The following EPB41L2 variants were observed in gnomAD, a reference collection of about 807,000 sequenced individuals.
EPB41L2 encodes the protein erythrocyte membrane protein band 4.1 like 2, also known as band 4.1-like protein 2.
In EPB41L2, 43 loss-of-function variants were observed where a neutral mutation model predicts 113.0. The observed-to-expected ratio is 0.38, with a 90% CI of 0.30 to 0.49. The LOEUF is 0.49. Among genes scored for constraint, EPB41L2 ranks in the 20% least tolerant of loss-of-function variants. EPB41L2 has a pLI of 0.95. For synonymous variants in EPB41L2, 442 were observed against 436.7 expected, an observed-to-expected ratio of 1.01 and a Z score of -0.15; for missense variants, 1,147 against 1,223.4, an observed-to-expected ratio of 0.94 and a Z score of 0.93.
intron 1 of EPB41L2, among the ~76,000 whole-genome samples, chr6:130,978,155 T>C (rs1161731857): frequency 6.6e-6 from 1 of 152,224 alleles, no homozygotes. Flanking sequence ...GCTAGAACCA[T>C]ATAAACATCA....
chr6:131,020,982 G>C (rs1389559412), intron 1 of EPB41L2, among the ~76,000 whole-genome samples: 1 of 151,684 alleles, frequency 6.6e-6, no homozygotes, highest in Non-Finnish European at 1.5e-5. Context: ...TTTTTTTGTA[G>C]AGACAGGGTC....
chr6:131,007,330 G>A (rs982679434), intron 1 of EPB41L2, among the ~76,000 whole-genome samples: 11 of 152,142 alleles, frequency 7.2e-5, no homozygotes, highest in East Asian at 1.9e-4. Context: ...GTCTTCCACC[G>A]TAACTTTGTT....
chr6:130,961,102 A>G (rs1773388590), intron 1 of EPB41L2, among the ~76,000 whole-genome samples: 5 of 152,250 alleles, frequency 3.3e-5, no homozygotes, highest in African/African-American at 1.2e-4. Flanking sequence ...AACTGGAACT[A>G]AGGTTTCCCA....
intron 1 of EPB41L2, among the ~76,000 whole-genome samples, chr6:130,960,355 T>A (rs540063733): frequency 2.4e-4 from 36 of 152,334 alleles, no homozygotes; most frequent in African/African-American, 8.4e-4. Context: ...AATTTATAGA[T>A]GAATTTAAAT....
rs527384336 is a variant in EPB41L2, at chr6:130,873,527, G to A, written c.2044-3401C>T. Reference sequence around the variant, plus strand: ...CACTCAGGCTGGAGTGCAGTGTGCCGCGATCTCGGCTCACTGCAACCTCTA... The same window carrying A: ...CACTCAGGCTGGAGTGCAGTGTGCCACGATCTCGGCTCACTGCAACCTCTA... On this transcript the variant is annotated intron_variant, in intron 14 of 19. Transcript: ENST00000337057. 2.0e-3 allele frequency among the ~76,000 whole-genome samples: 303 copies of A among 148,268 alleles called. 1 individual carries two copies. Among genetic ancestry groups the A allele is most frequent in the African/African-American group, 7.2e-3 (287 of 40,100 alleles).
At chr6:131,029,932 C>A (rs919942366) in intron 1 of EPB41L2, among the ~76,000 whole-genome samples, 7 of 151,188 alleles carry the variant, frequency 4.6e-5, no homozygotes, top group African/African-American at 1.7e-4. Flanking sequence ...AGCACCCCAG[C>A]CTGCACAATT....
rs1794679273 is a variant in EPB41L2, at chr6:131,042,664, GA to G, written c.-15+20490del. On this transcript the variant is annotated intron_variant, in intron 1 of 19. Transcript: ENST00000337057. ...TCTACTTCTAACTGTCAAGGAAGAA[GA>G]GGGGGAAAAAAAGAGTCACTAAGGA... Among the ~76,000 whole-genome samples the G allele has an allele frequency of 6.6e-5, 9 of 137,034 alleles. No homozygotes were observed. In the South Asian group the frequency reaches 1.6e-3, roughly 25 times the overall value. The allele number at this position is 137,034 out of a possible 152,430, so 89.9% of individuals were successfully genotyped here. A position where few individuals can be genotyped will look rare whatever the true frequency, so the allele number is the denominator to read the frequency against.
intron 18 of EPB41L2, among the ~76,000 whole-genome samples, chr6:130,861,822 A>G (rs1782163883): frequency 6.7e-6 from 1 of 149,536 alleles, no homozygotes; most frequent in Admixed American, 6.8e-5. Flanking sequence ...CAGTGAGTCC[A>G]GATCGTGCCA....
At chr6:131,039,155 A>G (rs1444935065) in intron 1 of EPB41L2, among the ~76,000 whole-genome samples, 1 of 152,240 alleles carries the variant, frequency 6.6e-6, no homozygotes, top group African/African-American at 2.4e-5. Flanking sequence ...GAAACAAGAC[A>G]GCAGCTTATT....
At position 130,880,672 on chromosome 6, in the gene EPB41L2, C is replaced by T. The variant is rs962214781; in HGVS notation, c.1834-466G>A. ...GTCTTTCTTCACCTACAGTGTTGTA[C>T]GAATGATGGAAATGATCCTTTGCAA... is the stretch of plus-strand genomic sequence containing the variant. On this transcript the variant is annotated intron_variant, in intron 12 of 19. Coordinates refer to ENST00000337057, the MANE Select transcript of EPB41L2 (RefSeq NM_001431.4). 8.4e-5 allele frequency: 35 copies of T among 416,854 alleles called. No homozygotes were observed. In the Middle Eastern group the frequency reaches 9.4e-4, roughly 11 times the overall value. The allele number at this position is 416,854 out of a possible 1,614,324, so 25.8% of individuals were successfully genotyped here. A position where few individuals can be genotyped will look rare whatever the true frequency, so the allele number is the denominator to read the frequency against.
chr6:130,947,634 G>A (rs952714536), intron 3 of EPB41L2, among the ~76,000 whole-genome samples: 1 of 152,066 alleles, frequency 6.6e-6, no homozygotes, highest in African/African-American at 2.4e-5. Flanking sequence ...CAGAACCACC[G>A]ATAAGCAGCA....
intron 1 of EPB41L2, among the ~76,000 whole-genome samples, chr6:130,959,824 G>A (rs1818727395): frequency 6.6e-6 from 1 of 152,052 alleles, no homozygotes; most frequent in Admixed American, 6.6e-5. Context: ...AAACCAAAAT[G>A]CCCCATACTT....
At chr6:130,856,268 T>C (rs534249080) in intron 19 of EPB41L2, among the ~76,000 whole-genome samples, 2 of 152,318 alleles carry the variant, frequency 1.3e-5, no homozygotes, top group South Asian at 4.1e-4. Context: ...ATTCAACTAT[T>C]TTAATAATGA....
At chr6:130,919,226 T>G (rs1306219619) in intron 4 of EPB41L2, among the ~76,000 whole-genome samples, 1 of 152,204 alleles carries the variant, frequency 6.6e-6, no homozygotes, top group African/African-American at 2.4e-5. Context: ...TTACCTTTCA[T>G]AAGAGAAACT....
At chr6:130,853,405 C>T (rs1019283525) in intron 19 of EPB41L2, among the ~76,000 whole-genome samples, 3 of 152,170 alleles carry the variant, frequency 2.0e-5, no homozygotes, top group Admixed American at 1.3e-4. Flanking sequence ...TGATCGGGAC[C>T]GTTTGGGAAT....
At chr6:130,972,261 T>G (rs936869418) in intron 1 of EPB41L2, among the ~76,000 whole-genome samples, 20 of 140,976 alleles carry the variant, frequency 1.4e-4, no homozygotes, top group African/African-American at 4.0e-4. Flanking sequence ...GAGGTGGAGG[T>G]TGCAGTAAGC....
At chr6:130,932,650 CA>C (rs1807304093) in intron 3 of EPB41L2, among the ~76,000 whole-genome samples, 1 of 64,742 alleles carries the variant, frequency 1.5e-5, no homozygotes, top group African/African-American at 6.0e-5. Context: ...CATTCTCCTT[CA>C]AGAGCATTAT....
At chr6:131,044,591 G>A (rs975717082) in intron 1 of EPB41L2, among the ~76,000 whole-genome samples, 2 of 152,020 alleles carry the variant, frequency 1.3e-5, no homozygotes, top group South Asian at 2.1e-4. Context: ...AAGATACCCC[G>A]GTGGTCACAA....
At chr6:130,926,418 A>G (rs1053104418) in intron 4 of EPB41L2, among the ~76,000 whole-genome samples, 187 bp downstream of exon 4, 6 of 152,240 alleles carry the variant, frequency 3.9e-5, no homozygotes, top group African/African-American at 1.4e-4. Flanking sequence ...ACAAATACAC[A>G]TACACCAAAA....
Sources: gnomAD v4.1 joint callset for allele counts (sites outside exome capture counted in the v4.1 genomes callset) on GRCh38, gnomAD v4.1.1 for gene constraint, MANE v1.5 for transcripts, NCBI Gene and HGNC (gene_info 2026-07-23, HGNC 2026-07-21) for gene names.